The following NDUFAF2 variants were observed in gnomAD, a reference collection of about 807,000 sequenced individuals.
NDUFAF2 encodes the protein NADH:ubiquinone oxidoreductase complex assembly factor 2.
In NDUFAF2, 13 loss-of-function variants were observed where a neutral mutation model predicts 22.8. That is an observed-to-expected ratio of 0.57 (90% CI 0.37 to 0.91). NDUFAF2 has a LOEUF of 0.91. Ranked by LOEUF, NDUFAF2 falls within the 40% of genes least tolerant of loss-of-function variation. NDUFAF2 has a pLI of 0.01. For synonymous variants in NDUFAF2, 53 were observed against 64.2 expected, an observed-to-expected ratio of 0.83 and a Z score of 0.84; for missense variants, 162 against 195.2, an observed-to-expected ratio of 0.83 and a Z score of 1.01.
intron 3 of NDUFAF2, among the ~76,000 whole-genome samples, chr5:61,149,488 T>C (rs910225811): frequency 6.6e-6 from 1 of 151,922 alleles, no homozygotes; most frequent in Non-Finnish European, 1.5e-5. Flanking sequence ...CACAGTGTTA[T>C]TTTTTTTAAT....
intron 1 of NDUFAF2, among the ~76,000 whole-genome samples, chr5:60,976,831 G>T (rs541497033): frequency 3.3e-5 from 5 of 152,196 alleles, no homozygotes; most frequent in African/African-American, 9.6e-5. Context: ...TGCCTATGTG[G>T]TATTTAGGGA....
At chr5:61,040,464 C>T (rs1751866661) in intron 1 of NDUFAF2, among the ~76,000 whole-genome samples, 1 of 152,072 alleles carries the variant, frequency 6.6e-6, no homozygotes, top group Non-Finnish European at 1.5e-5. Context: ...CAATGAATTT[C>T]TGTTAAGTCA....
chr5:61,031,991 T>G (rs1455493399), intron 1 of NDUFAF2, among the ~76,000 whole-genome samples: 1 of 152,224 alleles, frequency 6.6e-6, no homozygotes, highest in Non-Finnish European at 1.5e-5. Context: ...GATGAACTTT[T>G]TTTATATATG....
chr5:61,009,434 G>T (rs1163316439), intron 1 of NDUFAF2, among the ~76,000 whole-genome samples: 1 of 152,042 alleles, frequency 6.6e-6, no homozygotes, highest in African/African-American at 2.4e-5. Context: ...AGCATCTCAA[G>T]AGATTAATTC....
At position 61,011,052 on chromosome 5, in the gene NDUFAF2, A is replaced by G. The variant is rs149930628; in HGVS notation, c.128-62073A>G. 2.5e-3 allele frequency among the ~76,000 whole-genome samples: 385 copies of G among 152,304 alleles called. 1 individual carries two copies. Among genetic ancestry groups the G allele is most frequent in the South Asian group, 4.3e-3 (21 of 4,830 alleles). On this transcript the variant is annotated intron_variant, in intron 1 of 3. Coordinates refer to ENST00000296597, the MANE Select transcript of NDUFAF2 (RefSeq NM_174889.5). ...CCCTTATGATTATGGATCTGTCACC[A>G]TTTGAGCCCTGGAGTCTTGTCCTCC...
At chr5:61,130,584 A>G (rs1013583654) in intron 3 of NDUFAF2, among the ~76,000 whole-genome samples, 2 of 151,998 alleles carry the variant, frequency 1.3e-5, no homozygotes, top group African/African-American at 4.8e-5. Context: ...GCCTGACTTG[A>G]TGTGTTTTTT....
intron 1 of NDUFAF2, among the ~76,000 whole-genome samples, chr5:61,014,435 C>T (rs1751481392): frequency 6.6e-6 from 1 of 152,096 alleles, no homozygotes; most frequent in African/African-American, 2.4e-5. Flanking sequence ...CATTTGTATC[C>T]TTTATTGTAA....
intron 1 of NDUFAF2, among the ~76,000 whole-genome samples, chr5:61,010,460 TC>T (rs1751429285): frequency 6.6e-6 from 1 of 151,912 alleles, no homozygotes; most frequent in South Asian, 2.1e-4. Context: ...TTCTCCTCCT[TC>T]TCTCCTTTCT....
intron 1 of NDUFAF2, among the ~76,000 whole-genome samples, chr5:60,954,676 C>T (rs1457355599): frequency 6.6e-6 from 1 of 151,468 alleles, no homozygotes; most frequent in East Asian, 1.9e-4. Context: ...AACTCATGAC[C>T]TCAAGTGATC....
intron 1 of NDUFAF2, among the ~76,000 whole-genome samples, chr5:61,000,550 A>G (rs1751283135): frequency 2.0e-5 from 3 of 152,172 alleles, no homozygotes; most frequent in South Asian, 4.1e-4. Flanking sequence ...TTAATTATCT[A>G]TCTCTAACAA....
intron 1 of NDUFAF2, among the ~76,000 whole-genome samples, chr5:61,005,749 G>A (rs895109995): frequency 2.1e-4 from 32 of 152,278 alleles, no homozygotes; most frequent in Admixed American, 2.6e-4. Flanking sequence ...CTTTTGAGAA[G>A]TGTCTGTTCA....
At chr5:60,949,067 T>C (rs1750506077) in intron 1 of NDUFAF2, among the ~76,000 whole-genome samples, 1 of 152,182 alleles carries the variant, frequency 6.6e-6, no homozygotes, top group Non-Finnish European at 1.5e-5. Context: ...ATTTTTAAAA[T>C]ACAGTAAAAT....
chr5:61,152,395 T>C (rs1196449752), intron 3 of NDUFAF2, among the ~76,000 whole-genome samples: 1 of 152,204 alleles, frequency 6.6e-6, no homozygotes, highest in Non-Finnish European at 1.5e-5. Context: ...AAATCTTTCA[T>C]AGAGTGTCTC....
At chr5:61,077,155 A>T (rs1263716091) in intron 2 of NDUFAF2, among the ~76,000 whole-genome samples, 1 of 152,218 alleles carries the variant, frequency 6.6e-6, no homozygotes, top group Admixed American at 6.5e-5. Context: ...TGTACTGGAG[A>T]TAAAATTTGG....
chr5:61,107,288 T>C (rs556344792), intron 3 of NDUFAF2, among the ~76,000 whole-genome samples: 3 of 151,340 alleles, frequency 2.0e-5, no homozygotes, highest in Non-Finnish European at 4.4e-5. Context: ...TTAACTGGGG[T>C]GACGTGATAT....
At chr5:60,988,991 A>G (rs1438357063) in intron 1 of NDUFAF2, among the ~76,000 whole-genome samples, 1 of 152,208 alleles carries the variant, frequency 6.6e-6, no homozygotes, top group Non-Finnish European at 1.5e-5. Flanking sequence ...TAAACAGACA[A>G]TCTACAAAAT....
chr5:61,019,069 A>T (rs1346549260), intron 1 of NDUFAF2, among the ~76,000 whole-genome samples: 1 of 152,100 alleles, frequency 6.6e-6, no homozygotes, highest in Non-Finnish European at 1.5e-5. Context: ...CTCATCTGTA[A>T]AATAAAGACA....
chr5:61,069,788 CCTTT>C (rs1250424442), intron 1 of NDUFAF2, among the ~76,000 whole-genome samples: 1 of 152,048 alleles, frequency 6.6e-6, no homozygotes, highest in South Asian at 2.1e-4. Flanking sequence ...TTTCTTCCTT[CCTTT>C]CTTTCTTTTT....
chr5:61,003,080 ACT>A (rs1316968226), intron 1 of NDUFAF2, among the ~76,000 whole-genome samples: 1 of 151,956 alleles, frequency 6.6e-6, no homozygotes, highest in Non-Finnish European at 1.5e-5. Flanking sequence ...TCCATTTGTG[ACT>A]CTACAGGAAA....
Sources: gnomAD v4.1 joint callset for allele counts (sites outside exome capture counted in the v4.1 genomes callset) on GRCh38, gnomAD v4.1.1 for gene constraint, MANE v1.5 for transcripts, NCBI Gene and HGNC (gene_info 2026-07-23, HGNC 2026-07-21) for gene names.